DGKQ: variants seen among roughly 807,000 people sequenced by gnomAD.
The protein encoded by DGKQ is diacylglycerol kinase theta.
A neutral mutation model predicts 104.2 loss-of-function variants in DGKQ; 97 were observed. The ratio of observed to expected loss-of-function variants is 0.93; its 90% confidence interval spans 0.79 to 1.10. DGKQ has a LOEUF of 1.10. Ranked by LOEUF, DGKQ falls within the 50% of genes least tolerant of loss-of-function variation. DGKQ has a pLI of 0.00. For missense variants in DGKQ, 1,465 were observed against 1,352.1 expected, an observed-to-expected ratio of 1.08 and a Z score of -1.31; for synonymous variants, 736 against 595.2, an observed-to-expected ratio of 1.24 and a Z score of -3.44.
Position 965,913 on chromosome 4 carries a change from CCA to C in DGKQ, c.1579+13_1579+14del, listed in dbSNP as rs769421525. ...CCCCGTGCCAGCAGCCCACGGCCAG[CCA>C]CAGTGGTCACACCTTTGGTAGCCCC... On this transcript the variant is annotated intron_variant, in intron 13 of 22. Transcript: ENST00000273814. 5.1e-6 allele frequency: 8 copies of C among 1,583,182 alleles called. No homozygotes were observed. The African/African-American group carries it at 1.1e-4, about 21-fold the overall frequency.
intron 15 of DGKQ, among the ~76,000 whole-genome samples, 182 bp downstream of exon 15, chr4:964,994 G>C (rs965349335): frequency 7.9e-5 from 12 of 152,196 alleles, no homozygotes; most frequent in African/African-American, 2.2e-4. Context: ...ACGGGCAACA[G>C]AGTCCTTCCT....
At chr4:967,407 G>C (rs756937744) in intron 8 of DGKQ, 46 bp from the exon 9 acceptor site, 1 of 1,341,886 alleles carries the variant, frequency 7.5e-7, no homozygotes. Context: ...GGGGTCAGGC[G>C]GGGTTCAGTG....
chr4:965,423 G>A (rs546880626), intron 14 of DGKQ, 68 bp downstream of exon 14: 229 of 1,570,564 alleles, frequency 1.5e-4, no homozygotes, highest in Middle Eastern at 5.0e-4. Flanking sequence ...GTGAGGGCCA[G>A]GGCTGTCCCA....
chr4:962,337 C>T (rs1383664212), intron 18 of DGKQ, 98 bp downstream of exon 18: 30 of 1,262,632 alleles, frequency 2.4e-5, no homozygotes, highest in Non-Finnish European at 3.0e-5. Flanking sequence ...CGGGCGCGTA[C>T]ACCCGAGTGT....
rs762650084 is a variant in DGKQ, at chr4:967,131, G to C, written c.1218C>G (p.Leu406=). 2.1e-5 allele frequency: 33 copies of C among 1,583,768 alleles called. No homozygotes were observed. Among genetic ancestry groups the C allele is most frequent in the Non-Finnish European group, 2.6e-5 (30 of 1,164,088 alleles). The change falls in exon 9 of 23, where the codon CTC becomes CTG. Residue 406 remains leucine, a splice_region_variant and synonymous_variant. Coordinates refer to ENST00000273814, the MANE Select transcript of DGKQ (RefSeq NM_001347.4). ...QEVLKIYPGW[L]KVGVAYVSVR... ...CTGAGCCTCGGGCCCAGTCTCACTTGAGCCAGCCAGGGTAGATCTTCAGGA... is the reference window on the plus strand; with the variant it reads ...CTGAGCCTCGGGCCCAGTCTCACTTCAGCCAGCCAGGGTAGATCTTCAGGA...
chr4:966,723 C>A, intron 11 of DGKQ, 25 bp downstream of exon 11: 1 of 1,598,538 alleles, frequency 6.3e-7, no homozygotes. Flanking sequence ...GGGACCGCCA[C>A]GCCCAGCACG....
At chr4:969,159 G>A (rs1415344139) in intron 2 of DGKQ, among the ~76,000 whole-genome samples, 1 of 152,096 alleles carries the variant, frequency 6.6e-6, no homozygotes, top group Non-Finnish European at 1.5e-5. Context: ...AGGGGAGCGA[G>A]GCCCCAGGAA....
At chr4:966,638 G>C (rs976594174) in intron 11 of DGKQ, 110 bp downstream of exon 11, 1 of 1,498,378 alleles carries the variant, frequency 6.7e-7, no homozygotes, top group African/African-American at 1.4e-5. Flanking sequence ...TGGTCAGGAG[G>C]GCAGAGCCCG....
At chr4:970,958 C>T (rs10005591) in intron 2 of DGKQ, 35 bp downstream of exon 2, 7 of 1,507,664 alleles carry the variant, frequency 4.6e-6, no homozygotes, top group Non-Finnish European at 6.3e-6. Flanking sequence ...CATCCCCCAG[C>T]CTCTTGCAGG....
Position 962,506 on chromosome 4 carries a change from A to G in DGKQ, c.2143T>C (p.Trp715Arg), listed in dbSNP as rs368602445. 3.1e-6 allele frequency: 5 copies of G among 1,609,678 alleles called. No individual in the cohort carries two copies. Among genetic ancestry groups the G allele is most frequent in the Non-Finnish European group, 4.2e-6 (5 of 1,179,868 alleles). Residue 715 changes from tryptophan (W) to arginine (R), a missense_variant, in exon 18 of 23, where the codon TGG (tryptophan) becomes CGG (arginine). Trp to Arg is a moderately radical substitution (Grantham distance 101, BLOSUM62 -3). Coordinates refer to ENST00000273814, the MANE Select transcript of DGKQ (RefSeq NM_001347.4). ...DEADAVLMDRWTILLDAHEAG... is the reference protein window; with the variant it reads ...DEADAVLMDRRTILLDAHEAG... ...TCGTGGGCATCCAGCAGGATGGTCC[A>G]GCGGTCCATGAGCACGGCGTCGGCC...
intron 12 of DGKQ, 40 bp from the exon 13 acceptor site, chr4:966,118 G>A (rs755882400): frequency 1.6e-4 from 242 of 1,556,614 alleles, no homozygotes; most frequent in Non-Finnish European, 2.0e-4. Context: ...CGGGGAGAAC[G>A]GCACCACCGC....
At chr4:962,743 C>T in intron 17 of DGKQ, 29 bp downstream of exon 17, 28 of 1,598,804 alleles carry the variant, frequency 1.8e-5, no homozygotes, top group Non-Finnish European at 2.1e-5. Flanking sequence ...ACCCTGAGGC[C>T]CCCTCCTCGG....
chr4:967,067 A>C lies in DGKQ; in HGVS notation c.1221-13T>G, dbSNP rs1227536125. ...GGCCACGCCCACCCTGTGGGGACAC[A>C]GTCTGAGCTGGAGCTCCCCCCACCC... On this transcript the variant is annotated splice_polypyrimidine_tract_variant and intron_variant, in intron 9 of 22. Coordinates refer to ENST00000273814, the MANE Select transcript of DGKQ (RefSeq NM_001347.4). The C allele has an allele frequency of 3.2e-6, 5 of 1,548,018 alleles. No individual in the cohort carries two copies. Among genetic ancestry groups the C allele is most frequent in the Non-Finnish European group, 4.4e-6 (5 of 1,145,000 alleles).
rs1393731467 is a variant in DGKQ at position 971,226 on chromosome 4, A to G, written c.272-154T>C. On this transcript the variant is annotated intron_variant, in intron 1 of 22. Transcript: ENST00000273814. The surrounding 1 kb of genome is among the most constrained non-coding windows in gnomAD (Gnocchi z 4.0). ...AGTTCCCCCACCACCCTGCCCACTC[A>G]TTGGAGAGAGCCTGCAGCCCAGGAG... 6.6e-6 allele frequency among the ~76,000 whole-genome samples: 1 copy of G among 152,048 alleles called. No homozygotes were observed. Among genetic ancestry groups the G allele is most frequent in the African/African-American group, 2.4e-5 (1 of 41,398 alleles).
Position 966,169 on chromosome 4 carries a change from G to A in DGKQ, c.1429-91C>T, listed in dbSNP as rs1484873393. On this transcript the variant is annotated intron_variant, in intron 12 of 22. Transcript: ENST00000273814. ...TCCTCACCCGCAAAACAGCAAAACA[G>A]GGCATCAGGAACACTCCCAGGAATT... 1.1e-5 allele frequency: 14 copies of A among 1,326,554 alleles called. No individual in the cohort carries two copies. The East Asian group carries it at 3.0e-4, about 28-fold the overall frequency. The allele number at this position is 1,326,554 out of a possible 1,614,324, so 82.2% of individuals were successfully genotyped here.
Position 963,165 on chromosome 4 carries a change from G to C in DGKQ, c.1860C>G (p.Asp620Glu), listed in dbSNP as rs750972575. Reference sequence around the variant, plus strand: ...CGGGAAGAGGACCTCCGTTGGTCAGGTCGAAGACCTGATGAGGGTTCAGTA... The same window carrying C: ...CGGGAAGAGGACCTCCGTTGGTCAGCTCGAAGACCTGATGAGGGTTCAGTA... The part of the protein sequence containing the change: ...RKLLNPHQVF[D>E]LTNGGPLPGL... The change falls in exon 16 of 23, where the codon GAC (aspartate) becomes GAG (glutamate). Residue 620 changes from aspartate to glutamate, a missense_variant. Coordinates refer to ENST00000273814, the MANE Select transcript of DGKQ (RefSeq NM_001347.4). 3.1e-6 allele frequency: 5 copies of C among 1,607,688 alleles called. No homozygotes were observed. The highest frequency in any genetic ancestry group is 1.7e-5 in the Admixed American group (1 of 59,824).
intron 21 of DGKQ, 109 bp downstream of exon 21, chr4:961,358 G>C: frequency 3.2e-6 from 4 of 1,262,460 alleles, no homozygotes; most frequent in Non-Finnish European, 3.2e-6. Context: ...AGCGGGGACC[G>C]GGGACGCCCA....
intron 13 of DGKQ, 109 bp downstream of exon 13, chr4:965,819 C>A: frequency 1.6e-6 from 2 of 1,284,504 alleles, no homozygotes; most frequent in Non-Finnish European, 1.1e-6. Flanking sequence ...GGAGCTCAGG[C>A]CTTGGTGGCT....
chr4:968,528 A>C lies in DGKQ; in HGVS notation c.488T>G (p.Phe163Cys), dbSNP rs999276489. 3 of 1,609,488 alleles carry C rather than the reference A, an allele frequency of 1.9e-6. No individual in the cohort carries two copies. The highest frequency in any genetic ancestry group is 2.5e-6 in the Non-Finnish European group (3 of 1,178,584). The change falls in exon 4 of 23, where the codon TTC (phenylalanine) becomes TGC (cysteine). Residue 163 changes from phenylalanine (F) to cysteine (C), a missense_variant. Transcript: ENST00000273814. Reference sequence around the variant, plus strand: ...GCACTGGCGGCAGTCACTGCAGGCGAAGGGCACACAGTCTGGGTGGAGGTG... The same window carrying C: ...GCACTGGCGGCAGTCACTGCAGGCGCAGGGCACACAGTCTGGGTGGAGGTG... The part of the protein sequence containing the change: ...ELHLHPDCVP[F>C]ACSDCRQCHQ...
Sources: allele counts gnomAD v4.1 joint callset (sites outside exome capture counted in the v4.1 genomes callset), GRCh38; gene constraint gnomAD v4.1.1; non-coding constraint Gnocchi (gnomAD v3.1); transcripts MANE v1.5; gene names NCBI Gene and HGNC (gene_info 2026-07-23, HGNC 2026-07-21).